Variants in WDFY4 observed in about 807,000 individuals in gnomAD.
WDFY4 encodes the protein WDFY family member 4, also known as WD repeat- and FYVE domain-containing protein 4.
WDFY4 carries 169 observed loss-of-function variants against 351.9 expected under a neutral mutation model. That is an observed-to-expected ratio of 0.48 (90% CI 0.42 to 0.55). The LOEUF is 0.55. Among genes scored for constraint, WDFY4 ranks in the 20% least tolerant of loss-of-function variants. WDFY4 has a pLI of 0.00. For missense variants in WDFY4, 3,803 were observed against 3,935.6 expected, an observed-to-expected ratio of 0.97 and a Z score of 0.90; for synonymous variants, 1,622 against 1,574.6, an observed-to-expected ratio of 1.03 and a Z score of -0.71.
Position 48,873,500 on chromosome 10 carries a change from T to C in WDFY4, c.6751T>C (p.Cys2251Arg), listed in dbSNP as rs1297411729. 1 of 1,549,006 alleles carries C rather than the reference T, an allele frequency of 6.5e-7. No homozygotes were observed. Among genetic ancestry groups the C allele is most frequent in the Non-Finnish European group, 8.7e-7 (1 of 1,145,790 alleles). Residue 2251 changes from cysteine (C) to arginine (R), a missense_variant, in exon 41 of 62, where the codon TGT becomes CGT. Transcript: ENST00000325239. ...TGTTTCTGCTCCCCAGAGGCGAAAATGTGGCAACATCAAGGCAGCCAACGC... is the reference window on the plus strand; with the variant it reads ...TGTTTCTGCTCCCCAGAGGCGAAAACGTGGCAACATCAAGGCAGCCAACGC... ...LYKDHVQRRKCGNIKAANAWA... is the reference protein window; with the variant it reads ...LYKDHVQRRKRGNIKAANAWA...
chr10:48,813,052 T>C (rs2067511235), intron 30 of WDFY4, among the ~76,000 whole-genome samples: 1 of 152,176 alleles, frequency 6.6e-6, no homozygotes, highest in Non-Finnish European at 1.5e-5. Flanking sequence ...CCAATACAAA[T>C]GTGTGCCTGC....
intron 24 of WDFY4, among the ~76,000 whole-genome samples, chr10:48,797,312 CTTTAGCCTGGGCA>C (rs1456840288): frequency 1.3e-5 from 2 of 152,156 alleles, no homozygotes; most frequent in Admixed American, 1.3e-4. Flanking sequence ...CCAGACTACA[CTTTAGCCTGGGCA>C]TGTGGAGGTC....
At chr10:48,952,118 G>A (rs1841354592) in intron 51 of WDFY4, among the ~76,000 whole-genome samples, 1 of 152,186 alleles carries the variant, frequency 6.6e-6, no homozygotes, top group Non-Finnish European at 1.5e-5. Flanking sequence ...AGAAGCTCCT[G>A]GAGGGGTCAG....
intron 39 of WDFY4, among the ~76,000 whole-genome samples, chr10:48,860,897 T>C (rs923241096): frequency 1.3e-5 from 2 of 152,202 alleles, no homozygotes; most frequent in African/African-American, 4.8e-5. Flanking sequence ...CTGCATGTTT[T>C]TGTTTATTTT....
chr10:48,720,205 C>T (rs74130612), intron 3 of WDFY4, 80 bp downstream of exon 3: 303 of 1,400,324 alleles, frequency 2.2e-4, no homozygotes, highest in Non-Finnish European at 2.7e-4. Flanking sequence ...CTCAGGCCCC[C>T]CTCTGCTTTC....
chr10:48,769,107 AG>A (rs1269382358), intron 13 of WDFY4, among the ~76,000 whole-genome samples: 1 of 152,244 alleles, frequency 6.6e-6, no homozygotes, highest in Non-Finnish European at 1.5e-5. Context: ...GAAAGGAAAC[AG>A]AAAGTTTGGA....
chr10:48,860,979 G>C (rs2069319728), intron 39 of WDFY4, among the ~76,000 whole-genome samples: 1 of 152,012 alleles, frequency 6.6e-6, no homozygotes, highest in African/African-American at 2.4e-5. Flanking sequence ...AAGAATGTGT[G>C]TTGTCTTGTT....
At chr10:48,918,313 C>A (rs1307174772) in intron 47 of WDFY4, among the ~76,000 whole-genome samples, 4 of 152,038 alleles carry the variant, frequency 2.6e-5, no homozygotes, top group Non-Finnish European at 5.9e-5. Flanking sequence ...AAGAAAAAGA[C>A]CCAATTGTAT....
At chr10:48,949,507 T>C (rs2663028) in intron 51 of WDFY4, among the ~76,000 whole-genome samples, 65,830 of 151,958 alleles carry the variant, frequency 0.43, 14,620 homozygotes, top group East Asian at 0.65. Flanking sequence ...CCATCCTGCC[T>C]CCTAGGGGGA....
At chr10:48,751,977 A>C (rs2065198294) in intron 12 of WDFY4, among the ~76,000 whole-genome samples, 1 of 152,084 alleles carries the variant, frequency 6.6e-6, no homozygotes, top group South Asian at 2.1e-4. Flanking sequence ...TCACACCACC[A>C]CTGGCTCCCA....
At chr10:48,732,485 C>T (rs936465914) in intron 9 of WDFY4, among the ~76,000 whole-genome samples, 25 of 152,198 alleles carry the variant, frequency 1.6e-4, no homozygotes, top group African/African-American at 5.8e-4. Flanking sequence ...TAGCCTTTGG[C>T]TGCTTCTGTA....
At chr10:48,687,393 T>G (rs997397207) in intron 1 of WDFY4, among the ~76,000 whole-genome samples, 2 of 152,190 alleles carry the variant, frequency 1.3e-5, no homozygotes, top group Admixed American at 1.3e-4. Flanking sequence ...GATTTATACT[T>G]GTTATGTGTT....
At chr10:48,929,862 T>G (rs1839884294) in intron 47 of WDFY4, among the ~76,000 whole-genome samples, 1 of 152,150 alleles carries the variant, frequency 6.6e-6, no homozygotes, top group Non-Finnish European at 1.5e-5. Context: ...ACTTGACAAC[T>G]CTTCTTCCAT....
intron 51 of WDFY4, among the ~76,000 whole-genome samples, chr10:48,953,630 G>A (rs2133809955): frequency 6.6e-6 from 1 of 152,360 alleles, no homozygotes; most frequent in African/African-American, 2.4e-5. Context: ...TTACTGGAAA[G>A]AATATCTGCA....
At chr10:48,964,578 C>T (rs117508696) in intron 54 of WDFY4, among the ~76,000 whole-genome samples, 2,582 of 152,296 alleles carry the variant, frequency 0.017, 31 homozygotes, top group Middle Eastern at 0.037. Flanking sequence ...AGCTCTGGTC[C>T]TATCTGAATA....
At chr10:48,854,948 T>C (rs1040925558) in intron 39 of WDFY4, among the ~76,000 whole-genome samples, 1 of 152,206 alleles carries the variant, frequency 6.6e-6, no homozygotes. Flanking sequence ...GATGTAGAAT[T>C]AGTCAAATTT....
rs1294104713 is a variant in WDFY4 at position 48,731,236 on chromosome 10, AC to A, written c.1257del (p.Phe420SerfsTer15). ...ACCATGTGGGCCTGGAATGCTCGAAACTTCTTCCTGCTGGAGTGGACCCTGC... is the reference window on the plus strand; with the variant it reads ...ACCATGTGGGCCTGGAATGCTCGAAATTCTTCCTGCTGGAGTGGACCCTGC... ...IRTMWAWNARNFFLLEWTLQP... is the reference protein window; with the variant it reads ...IRTMWAWNARXFFLLEWTLQP... On this transcript the variant is annotated frameshift_variant, in exon 9 of 62. Transcript: ENST00000325239. LOFTEE classifies it high-confidence loss of function. The A allele has an allele frequency of 6.4e-7, 1 of 1,551,722 alleles. No individual in the cohort carries two copies. Among genetic ancestry groups the A allele is most frequent in the Non-Finnish European group, 8.7e-7 (1 of 1,147,032 alleles).
At chr10:48,719,471 G>A (rs756673131) in intron 2 of WDFY4, among the ~76,000 whole-genome samples, 6 of 152,160 alleles carry the variant, frequency 3.9e-5, no homozygotes, top group Non-Finnish European at 8.8e-5. Flanking sequence ...AACTTTGTCT[G>A]GAAGCTGAGT....
intron 12 of WDFY4, among the ~76,000 whole-genome samples, chr10:48,759,236 A>G (rs2065426594): frequency 6.6e-6 from 1 of 152,188 alleles, no homozygotes; most frequent in Non-Finnish European, 1.5e-5. Context: ...GGTCAGATGC[A>G]CATACACAGT....
Sources: allele counts gnomAD v4.1 joint callset (sites outside exome capture counted in the v4.1 genomes callset), GRCh38; gene constraint gnomAD v4.1.1; transcripts MANE v1.5; gene names NCBI Gene and HGNC (gene_info 2026-07-23, HGNC 2026-07-21).